The following CNTNAP2 variants were observed in gnomAD, a reference collection of about 807,000 sequenced individuals.
The protein encoded by CNTNAP2 is contactin-associated protein-like 2.
In CNTNAP2, 98 loss-of-function variants were observed where a neutral mutation model predicts 155.2. The observed-to-expected ratio is 0.63, with a 90% CI of 0.54 to 0.75. The LOEUF is 0.75. CNTNAP2 is among the 30% of genes least tolerant of loss of function. The pLI is 0.00. For missense variants in CNTNAP2, 1,727 were observed against 1,688.1 expected (o/e 1.02, Z -0.40); for synonymous variants, 651 against 631.2 (o/e 1.03, Z -0.47).
chr7:147,036,561 TA>T (rs1193536629), intron 3 of CNTNAP2, among the ~76,000 whole-genome samples: 1 of 152,214 alleles, frequency 6.6e-6, no homozygotes, highest in Non-Finnish European at 1.5e-5. Flanking sequence ...ATTATAATAA[TA>T]AACCCTATTC....
At chr7:146,803,377 C>T (rs892842017) in intron 2 of CNTNAP2, among the ~76,000 whole-genome samples, 5 of 152,110 alleles carry the variant, frequency 3.3e-5, no homozygotes, top group African/African-American at 7.2e-5. Context: ...AGCATAGTTG[C>T]AAGAACACAG....
chr7:146,780,733 G>A (rs1304005848), intron 2 of CNTNAP2, among the ~76,000 whole-genome samples: 1 of 152,046 alleles, frequency 6.6e-6, no homozygotes, highest in Admixed American at 6.6e-5. Context: ...GGACATGGAT[G>A]AAGCTGGAAG....
chr7:147,897,904 A>G (rs1011917306), intron 13 of CNTNAP2, among the ~76,000 whole-genome samples: 2 of 152,202 alleles, frequency 1.3e-5, no homozygotes, highest in African/African-American at 4.8e-5. Flanking sequence ...AATGACTTAA[A>G]CATAGAAAGC....
intron 1 of CNTNAP2, among the ~76,000 whole-genome samples, chr7:146,550,669 T>G (rs908615917): frequency 6.6e-6 from 1 of 152,070 alleles, no homozygotes; most frequent in African/African-American, 2.4e-5. Flanking sequence ...TGATTCTAAT[T>G]AAGTATTAAG....
Position 147,412,363 on chromosome 7 carries a change from C to T in CNTNAP2, c.1670+16583C>T, listed in dbSNP as rs563871074. ...GGTCTAGAATTGCTTCACCCCACCA[C>T]CCATCTCTGTCTCTGTCTCTTGCTT... On this transcript the variant is annotated intron_variant, in intron 10 of 23. Transcript: ENST00000361727. Among the ~76,000 whole-genome samples, 27 of 151,444 alleles carry T rather than the reference C, an allele frequency of 1.8e-4. No individual in the cohort carries two copies. In the South Asian group the frequency reaches 5.4e-3, roughly 30 times the overall value.
intron 10 of CNTNAP2, among the ~76,000 whole-genome samples, chr7:147,401,182 A>G (rs1361302230): frequency 6.6e-6 from 1 of 152,158 alleles, no homozygotes; most frequent in Non-Finnish European, 1.5e-5. Flanking sequence ...TTTCCTGTCT[A>G]ACTCCATTGA....
chr7:147,929,535 A>G (rs1800461209), intron 14 of CNTNAP2, among the ~76,000 whole-genome samples: 1 of 152,220 alleles, frequency 6.6e-6, no homozygotes, highest in Non-Finnish European at 1.5e-5. Flanking sequence ...TTCAAAATAC[A>G]AAGTGTTATA....
At chr7:147,640,163 G>T (rs547870439) in intron 13 of CNTNAP2, among the ~76,000 whole-genome samples, 43 of 148,534 alleles carry the variant, frequency 2.9e-4, no homozygotes, top group African/African-American at 7.6e-4. Context: ...AATATGATAT[G>T]ATATATATAT....
At chr7:146,823,522 A>G (rs894450601) in intron 2 of CNTNAP2, among the ~76,000 whole-genome samples, 1 of 141,098 alleles carries the variant, frequency 7.1e-6, no homozygotes, top group Non-Finnish European at 1.5e-5. Flanking sequence ...CTCATTCTTC[A>G]GTATATTTAC....
At chr7:146,780,191 CTG>C (rs965594824) in intron 2 of CNTNAP2, among the ~76,000 whole-genome samples, 38 of 122,102 alleles carry the variant, frequency 3.1e-4, no homozygotes, top group Non-Finnish European at 6.8e-4. Flanking sequence ...TGTTTCCTGA[CTG>C]TTTTTTTTTT....
intron 2 of CNTNAP2, among the ~76,000 whole-genome samples, chr7:146,816,740 G>T (rs1349150344): frequency 6.6e-6 from 1 of 152,146 alleles, no homozygotes; most frequent in Non-Finnish European, 1.5e-5. Context: ...AGTAAAGCAC[G>T]GTGGTTAAAA....
At chr7:146,753,294 T>G (rs1444349154) in intron 1 of CNTNAP2, among the ~76,000 whole-genome samples, 1 of 152,080 alleles carries the variant, frequency 6.6e-6, no homozygotes, top group Non-Finnish European at 1.5e-5. Flanking sequence ...TGAGGTTTCC[T>G]TACACATTAT....
intron 9 of CNTNAP2, among the ~76,000 whole-genome samples, chr7:147,345,140 T>C (rs557475076): frequency 6.6e-6 from 1 of 152,258 alleles, no homozygotes; most frequent in East Asian, 1.9e-4. Context: ...GTGGCAGATA[T>C]AAATACAGAG....
At chr7:146,404,407 T>C (rs1795761308) in intron 1 of CNTNAP2, among the ~76,000 whole-genome samples, 1 of 152,154 alleles carries the variant, frequency 6.6e-6, no homozygotes, top group Non-Finnish European at 1.5e-5. Flanking sequence ...TTGTGCGTTT[T>C]AGCAGGTGCA....
chr7:146,914,273 T>C (rs971888392), intron 3 of CNTNAP2, among the ~76,000 whole-genome samples: 6 of 152,002 alleles, frequency 3.9e-5, no homozygotes, highest in Admixed American at 1.3e-4. Flanking sequence ...CAAGTATCTT[T>C]TTTGTATAGT....
chr7:148,167,599 C>G (rs1805693038), intron 17 of CNTNAP2, among the ~76,000 whole-genome samples: 1 of 152,114 alleles, frequency 6.6e-6, no homozygotes, highest in Non-Finnish European at 1.5e-5. Flanking sequence ...AAAAAAGACA[C>G]AGGCCCAGAG....
intron 15 of CNTNAP2, among the ~76,000 whole-genome samples, chr7:148,048,067 G>A (rs1322296623): frequency 6.6e-6 from 1 of 151,908 alleles, no homozygotes; most frequent in Admixed American, 6.6e-5. Flanking sequence ...GGGACTACAG[G>A]TGCCTGCCAC....
chr7:148,364,790 G>C (rs1316459892), intron 21 of CNTNAP2, among the ~76,000 whole-genome samples: 2 of 152,210 alleles, frequency 1.3e-5, no homozygotes, highest in African/African-American at 2.4e-5. Context: ...CAGGCTGCCC[G>C]AGCCAGCATT....
chr7:148,185,960 A>G (rs1795109346), intron 18 of CNTNAP2, among the ~76,000 whole-genome samples: 1 of 152,232 alleles, frequency 6.6e-6, no homozygotes, highest in Non-Finnish European at 1.5e-5. Flanking sequence ...TGAGGTTATG[A>G]CAAACACTTA....
Sources: allele counts gnomAD v4.1 joint callset (sites outside exome capture counted in the v4.1 genomes callset), GRCh38; gene constraint gnomAD v4.1.1; transcripts MANE v1.5; gene names NCBI Gene and HGNC (gene_info 2026-07-23, HGNC 2026-07-21).